The following SLC12A6 variants were observed in gnomAD, a reference collection of about 807,000 sequenced individuals.
SLC12A6 encodes K-Cl cotransporter 3.
SLC12A6 carries 66 observed loss-of-function variants against 135.3 expected under a neutral mutation model. The ratio of observed to expected loss-of-function variants is 0.49; its 90% CI spans 0.40 to 0.60. The LOEUF (loss-of-function observed/expected upper bound fraction) is 0.60, where lower values mean the gene tolerates loss of function less well. SLC12A6 is among the 20% of genes least tolerant of loss of function. The pLI is 0.00. For synonymous variants in SLC12A6, 513 were observed against 508.8 expected (o/e 1.01, Z -0.11); for missense variants, 1,058 against 1,452.3 (o/e 0.73, Z 4.41).
At chr15:34,315,716 TG>T (rs1464178564) in intron 2 of SLC12A6, among the ~76,000 whole-genome samples, 3 of 152,204 alleles carry the variant, frequency 2.0e-5, no homozygotes, top group Non-Finnish European at 2.9e-5. Flanking sequence ...CCAGGCGCAG[TG>T]GCTTACGCCT....
intron 13 of SLC12A6, among the ~76,000 whole-genome samples, chr15:34,246,753 G>GTTCCTGCCTCATC (rs1263900553): frequency 6.6e-6 from 1 of 151,882 alleles, no homozygotes. Context: ...CTCAGGCGAT[G>GTTCCTGCCTCATC]CTCCTGCCTC....
intron 2 of SLC12A6, among the ~76,000 whole-genome samples, chr15:34,336,059 T>A (rs1472711769): frequency 6.6e-6 from 1 of 152,212 alleles, no homozygotes; most frequent in Non-Finnish European, 1.5e-5. Flanking sequence ...CATATCCAAC[T>A]CACTAAATTT....
intron 2 of SLC12A6, among the ~76,000 whole-genome samples, chr15:34,288,119 T>G (rs1161099984): frequency 6.6e-6 from 1 of 152,136 alleles, no homozygotes; most frequent in East Asian, 1.9e-4. Context: ...AGGTCTTATG[T>G]TTAAGTCTTT....
intron 2 of SLC12A6, among the ~76,000 whole-genome samples, chr15:34,306,319 C>T (rs1305259236): frequency 6.6e-6 from 1 of 152,208 alleles, no homozygotes; most frequent in Non-Finnish European, 1.5e-5. Context: ...AGCCTCCCTG[C>T]TCTCAGGTCT....
intron 3 of SLC12A6, 32 bp downstream of exon 3, chr15:34,275,312 TG>T: frequency 8.6e-7 from 1 of 1,163,882 alleles, no homozygotes; most frequent in Non-Finnish European, 1.3e-6. Context: ...AGGGTGACTT[TG>T]GATAAAGTCA....
At chr15:34,268,864 T>C (rs1031640883) in intron 3 of SLC12A6, among the ~76,000 whole-genome samples, 1 of 116,148 alleles carries the variant, frequency 8.6e-6, no homozygotes, top group Non-Finnish European at 2.0e-5. Flanking sequence ...TCTTTCTTTC[T>C]TTTTTTTTTT....
intron 2 of SLC12A6, among the ~76,000 whole-genome samples, chr15:34,287,586 T>G (rs2140949263): frequency 6.6e-6 from 1 of 152,336 alleles, no homozygotes; most frequent in South Asian, 2.1e-4. Context: ...TAATTTACAC[T>G]CCCACCAACA....
chr15:34,318,684 T>C (rs748535746), intron 2 of SLC12A6: 3 of 1,613,524 alleles, frequency 1.9e-6, no homozygotes, highest in African/African-American at 1.3e-5. Flanking sequence ...GGCATTGTTA[T>C]AGTTAGATAA....
intron 3 of SLC12A6, among the ~76,000 whole-genome samples, chr15:34,264,168 T>G (rs1893342113): frequency 6.6e-6 from 1 of 152,130 alleles, no homozygotes; most frequent in Non-Finnish European, 1.5e-5. Context: ...AATAACAGAT[T>G]TAGGCAACGA....
At chr15:34,296,658 C>G (rs940266185) in intron 2 of SLC12A6, among the ~76,000 whole-genome samples, 4 of 152,180 alleles carry the variant, frequency 2.6e-5, no homozygotes, top group Non-Finnish European at 5.9e-5. Context: ...ACAGTGACCA[C>G]AGATGGCCAT....
intron 2 of SLC12A6, among the ~76,000 whole-genome samples, chr15:34,300,841 A>G (rs925768959): frequency 6.6e-6 from 1 of 151,180 alleles, no homozygotes; most frequent in Non-Finnish European, 1.5e-5. Flanking sequence ...GTTTGGGGGC[A>G]TGAGGGGCAG....
intron 2 of SLC12A6, among the ~76,000 whole-genome samples, chr15:34,325,977 A>G (rs1474148499): frequency 1.3e-5 from 2 of 152,164 alleles, no homozygotes; most frequent in Non-Finnish European, 1.5e-5. Flanking sequence ...CTACTTTTTC[A>G]ACTTCCTAAA....
intron 6 of SLC12A6, 38 bp from the exon 7 acceptor site, chr15:34,256,321 A>G (rs1306181830): frequency 7.1e-7 from 1 of 1,405,952 alleles, no homozygotes; most frequent in Non-Finnish European, 1.0e-6. Flanking sequence ...GTTACTGTGT[A>G]AAGATGACAT....
At chr15:34,294,732 T>C (rs1895766396) in intron 2 of SLC12A6, among the ~76,000 whole-genome samples, 2 of 152,126 alleles carry the variant, frequency 1.3e-5, no homozygotes, top group South Asian at 4.1e-4. Context: ...TATAACTGGC[T>C]AATTTATTTG....
rs1034215903 is a variant in SLC12A6, at chr15:34,250,673, G to C, written c.1549C>G (p.Pro517Ala). 1.2e-6 allele frequency: 2 copies of C among 1,605,372 alleles called. No individual in the cohort carries two copies. The highest frequency in any genetic ancestry group is 2.7e-5 in the African/African-American group (2 of 74,748). The change falls in exon 12 of 26, where the codon CCG (proline) becomes GCG (alanine). Residue 517 changes from proline to alanine, a missense_variant. This residue lies in a region of SLC12A6 where 297 missense variants were observed against 318.5 expected (regional missense o/e 0.93). Coordinates refer to ENST00000354181, the MANE Select transcript of SLC12A6 (RefSeq NM_001365088.1). ...AGGATGGCAAGGATAGTACCAATCG[G>C]AATAGACTTCTGAGCATCTTTCAGA... ...GDLKDAQKSIPIGTILAILTT... is the reference protein window; with the variant it reads ...GDLKDAQKSIAIGTILAILTT...
intron 2 of SLC12A6, among the ~76,000 whole-genome samples, chr15:34,307,333 CAAT>C (rs1341022526): frequency 6.6e-6 from 1 of 152,040 alleles, no homozygotes; most frequent in African/African-American, 2.4e-5. Context: ...GAAATTTCCA[CAAT>C]AAAAAATAAA....
intron 2 of SLC12A6, among the ~76,000 whole-genome samples, chr15:34,310,769 A>AGTGTGTGT (rs570488711): frequency 2.8e-4 from 7 of 25,368 alleles, no homozygotes; most frequent in East Asian, 9.0e-4. Context: ...CCTGGGCTCA[A>AGTGTGTGT]GTGTGTGTGT....
chr15:34,235,820 G>A (rs994009210), intron 24 of SLC12A6, among the ~76,000 whole-genome samples, 195 bp downstream of exon 24: 7 of 152,164 alleles, frequency 4.6e-5, no homozygotes, highest in Admixed American at 4.6e-4. Flanking sequence ...CAGTATGGAG[G>A]TGAACTATGT....
intron 21 of SLC12A6, 75 bp from the exon 22 acceptor site, chr15:34,237,625 T>C: frequency 7.9e-7 from 1 of 1,259,076 alleles, no homozygotes; most frequent in East Asian, 2.4e-5. Context: ...ACATTAGACA[T>C]TGTGGTCTAG....
Sources: allele counts gnomAD v4.1 joint callset (sites outside exome capture counted in the v4.1 genomes callset), GRCh38; gene constraint gnomAD v4.1.1; regional missense constraint gnomAD v4.1.1; transcripts MANE v1.5; gene names NCBI Gene and HGNC (gene_info 2026-07-23, HGNC 2026-07-21).